AGMO: variants seen among roughly 807,000 people sequenced by gnomAD.
AGMO encodes alkylglycerol monooxygenase.
AGMO carries 75 observed loss-of-function variants against 60.2 expected under a neutral mutation model. The observed-to-expected ratio is 1.25, with a 90% confidence interval of 1.03 to 1.51. The LOEUF is 1.51. Among genes scored for constraint, AGMO ranks in the 40% most tolerant of loss-of-function variants. The probability of loss-of-function intolerance (pLI) is 0.00; values close to 1 mark genes in which losing one functional copy is unlikely to be tolerated. For synonymous variants in AGMO, 261 were observed against 177.1 expected (o/e 1.47, Z -3.76); for missense variants, 763 against 525.5 (o/e 1.45, Z -4.42).
the AGMO span, among the ~76,000 whole-genome samples, chr7:15,141,892 C>G: frequency 6.6e-6 from 1 of 152,108 alleles, no homozygotes; most frequent in Admixed American, 6.6e-5. Flanking sequence ...TGCCAGGTAA[C>G]ACAGCAATTT....
intron 12 of AGMO, among the ~76,000 whole-genome samples, chr7:15,300,398 T>G (rs573741557): frequency 5.9e-5 from 9 of 152,284 alleles, no homozygotes; most frequent in African/African-American, 1.9e-4. Flanking sequence ...TTCTTAGGCA[T>G]AGCAGCTACG....
In AGMO at chr7:15,403,005, G is replaced by T. The variant is rs12533157; in HGVS notation, c.610-8826C>A. Among the ~76,000 whole-genome samples, 472 of 151,600 alleles carry T rather than the reference G, an allele frequency of 3.1e-3. 4 individuals carry two copies. Among genetic ancestry groups the T allele is most frequent in the African/African-American group, 0.011 (454 of 41,404 alleles). On this transcript the variant is annotated intron_variant, in intron 5 of 12. Coordinates refer to ENST00000342526, the MANE Select transcript of AGMO (RefSeq NM_001004320.2). ...GACCCTTCAATGGAAAGTTTAAACT[G>T]TATCAGAAAAAAAAGATTTTACAAA...
chr7:15,394,155 C>T lies in AGMO; in HGVS notation c.634G>A (p.Glu212Lys), dbSNP rs377383575. The change falls in exon 6 of 13, where the codon GAA becomes AAA. Residue 212 changes from glutamate (E) to lysine (K), a missense_variant. Physicochemically the swap from Glu to Lys is moderately conservative, Grantham distance 56. Transcript: ENST00000342526. ...TEVINNLGPL[E>K]LILNTPSHHR... ...TGGCTAGGAGTATTAAGAATCAGTT[C>T]CAAAGGACCAAGGTTATTGATGACC... 1 of 1,611,752 alleles carries T rather than the reference C, an allele frequency of 6.2e-7. No individual in the cohort carries two copies. The highest frequency in any genetic ancestry group is 8.5e-7 in the Non-Finnish European group (1 of 1,178,256).
intron 10 of AGMO, among the ~76,000 whole-genome samples, chr7:15,383,827 G>C (rs1377914867): frequency 5.3e-5 from 8 of 151,636 alleles, no homozygotes; most frequent in African/African-American, 1.9e-4. Context: ...TTCTTTTTAG[G>C]CTTTTTCAGA....
At chr7:15,538,915 A>T (rs1784546510) in intron 3 of AGMO, among the ~76,000 whole-genome samples, 1 of 152,140 alleles carries the variant, frequency 6.6e-6, no homozygotes, top group Admixed American at 6.5e-5. Context: ...ACAGAATGAG[A>T]GGAATTTTAA....
chr7:15,439,849 C>G, intron 3 of AGMO, among the ~76,000 whole-genome samples: 1 of 152,130 alleles, frequency 6.6e-6, no homozygotes, highest in Non-Finnish European at 1.5e-5. Flanking sequence ...AGAGCAAGAA[C>G]TTTTGAACTT....
At chr7:15,374,309 T>G (rs1029390059) in intron 10 of AGMO, among the ~76,000 whole-genome samples, 1 of 152,050 alleles carries the variant, frequency 6.6e-6, no homozygotes, top group African/African-American at 2.4e-5. Context: ...CAGTAAACAT[T>G]TGCTAGAATT....
chr7:15,412,380 A>G (rs530968744), intron 5 of AGMO, among the ~76,000 whole-genome samples: 7 of 152,162 alleles, frequency 4.6e-5, no homozygotes, highest in African/African-American at 1.7e-4. Flanking sequence ...TAGGAGTCGT[A>G]GGCCAAATTT....
At chr7:15,425,483 G>A (rs1051416890) in intron 4 of AGMO, among the ~76,000 whole-genome samples, 5 of 149,268 alleles carry the variant, frequency 3.3e-5, no homozygotes, top group Non-Finnish European at 7.4e-5. Context: ...CACCCAGGCT[G>A]GAGTGCAGTG....
intron 12 of AGMO, among the ~76,000 whole-genome samples, chr7:15,207,382 A>G (rs554853030): frequency 1.3e-5 from 2 of 152,338 alleles, no homozygotes; most frequent in East Asian, 3.9e-4. Context: ...TAAAAATTCC[A>G]ATATTACCAA....
In AGMO at chr7:15,548,970, G is replaced by C. The variant is rs1282841605; in HGVS notation, c.258-4047C>G. Among the ~76,000 whole-genome samples the C allele has an allele frequency of 4.0e-5, 6 of 149,896 alleles. No individual in the cohort carries two copies. The South Asian group carries it at 6.4e-4, about 16-fold the overall frequency. ...CCATCAGACTAACAGCGGATCTCTC[G>C]GCAGAAACCCTACAAGCCAGAAGAG... On this transcript the variant is annotated intron_variant, in intron 2 of 12. Coordinates refer to ENST00000342526, the MANE Select transcript of AGMO (RefSeq NM_001004320.2).
chr7:15,265,572 A>T (rs1563060789), intron 12 of AGMO, among the ~76,000 whole-genome samples: 1 of 152,056 alleles, frequency 6.6e-6, no homozygotes, highest in Non-Finnish European at 1.5e-5. Flanking sequence ...TCAAAACCAC[A>T]GTGAGATTCT....
At chr7:15,197,513 C>T (rs993205685), downstream of AGMO, among the ~76,000 whole-genome samples, 5 of 152,156 alleles carry the variant, frequency 3.3e-5, no homozygotes, top group East Asian at 3.9e-4. Flanking sequence ...GACTCTGAGA[C>T]GATTAGATTC....
At chr7:15,361,631 G>C (rs370856658) in intron 12 of AGMO, among the ~76,000 whole-genome samples, 1 of 147,458 alleles carries the variant, frequency 6.8e-6, no homozygotes, top group African/African-American at 2.6e-5. Context: ...AAAAGAAAGA[G>C]AGAGAGAAAG....
chr7:15,316,744 G>A (rs903194370), intron 12 of AGMO, among the ~76,000 whole-genome samples: 2 of 152,136 alleles, frequency 1.3e-5, no homozygotes, highest in Non-Finnish European at 2.9e-5. Flanking sequence ...ACTGTTTAGC[G>A]AAAAATCCAA....
chr7:15,218,143 G>T (rs1292169463), intron 12 of AGMO, among the ~76,000 whole-genome samples: 1 of 151,932 alleles, frequency 6.6e-6, no homozygotes, highest in East Asian at 1.9e-4. Context: ...TGAAAATGAA[G>T]TTTCATATTC....
At chr7:15,151,937 A>G in the AGMO span, among the ~76,000 whole-genome samples, 1 of 152,076 alleles carries the variant, frequency 6.6e-6, no homozygotes, top group African/African-American at 2.4e-5. Flanking sequence ...AGGTTAGTCT[A>G]TTCTGTTTTT....
At chr7:15,373,402 T>TG (rs1272176074) in intron 10 of AGMO, among the ~76,000 whole-genome samples, 2 of 151,998 alleles carry the variant, frequency 1.3e-5, no homozygotes, top group African/African-American at 4.8e-5. Context: ...TTTAAATAGA[T>TG]GGGAAAAAAA....
At chr7:15,490,621 A>G (rs1470008495) in intron 3 of AGMO, among the ~76,000 whole-genome samples, 2 of 152,198 alleles carry the variant, frequency 1.3e-5, no homozygotes, top group African/African-American at 4.8e-5. Context: ...CAGTGCAATT[A>G]CCAATGAAAA....
Sources: allele counts gnomAD v4.1 joint callset (sites outside exome capture counted in the v4.1 genomes callset), GRCh38; gene constraint gnomAD v4.1.1; transcripts MANE v1.5; gene names NCBI Gene and HGNC (gene_info 2026-07-23, HGNC 2026-07-21).